Variants in CSGALNACT1 observed in about 807,000 individuals in gnomAD.
The protein encoded by CSGALNACT1 is beta4GalNAcT-1.
In CSGALNACT1, 52 loss-of-function variants were observed where a neutral mutation model predicts 51.0. That is an observed-to-expected ratio of 1.02 (90% CI 0.82 to 1.29). The LOEUF is 1.29. Ranked by LOEUF, CSGALNACT1 falls within the 50% of genes most tolerant of loss-of-function variation. The pLI is 0.00. For synonymous variants in CSGALNACT1, 341 were observed against 254.4 expected, an observed-to-expected ratio of 1.34 and a Z score of -3.24; for missense variants, 935 against 679.2, an observed-to-expected ratio of 1.38 and a Z score of -4.19.
intron 3 of CSGALNACT1, among the ~76,000 whole-genome samples, chr8:19,553,922 C>CACACACACAA (rs1241786386): frequency 1.3e-5 from 2 of 151,678 alleles, no homozygotes; most frequent in Non-Finnish European, 2.9e-5. Context: ...CACACACACA[C>CACACACACAA]ACACCCAGAA....
intron 1 of CSGALNACT1, among the ~76,000 whole-genome samples, chr8:19,670,464 A>T (rs1246522155): frequency 6.6e-6 from 1 of 152,126 alleles, no homozygotes; most frequent in Non-Finnish European, 1.5e-5. Context: ...ATGTCATTAA[A>T]TATATATGTA....
chr8:19,724,382 G>T (rs1380897571), intron 1 of CSGALNACT1, among the ~76,000 whole-genome samples: 1 of 152,154 alleles, frequency 6.6e-6, no homozygotes, highest in Non-Finnish European at 1.5e-5. Flanking sequence ...AGAGGCTGTG[G>T]TTGGTGGCTC....
chr8:19,450,284 GAGGAGGAGA>G (rs1234519885), intron 5 of CSGALNACT1, among the ~76,000 whole-genome samples: 2 of 145,306 alleles, frequency 1.4e-5, no homozygotes, highest in African/African-American at 5.1e-5. Context: ...GGAGGAGAGG[GAGGAGGAGA>G]AGGAGGAGGA....
chr8:19,676,943 T>G (rs1589449213), intron 1 of CSGALNACT1, among the ~76,000 whole-genome samples: 1 of 152,052 alleles, frequency 6.6e-6, no homozygotes, highest in African/African-American at 2.4e-5. Context: ...GATTTGACAA[T>G]GAAAGAGTTA....
chr8:19,547,150 T>C (rs564401785), intron 3 of CSGALNACT1, among the ~76,000 whole-genome samples: 2 of 152,192 alleles, frequency 1.3e-5, no homozygotes, highest in African/African-American at 2.4e-5. Flanking sequence ...AAGGGCTCCA[T>C]GATGCCACAG....
chr8:19,679,117 C>G (rs1034192484), intron 1 of CSGALNACT1, among the ~76,000 whole-genome samples: 3 of 152,162 alleles, frequency 2.0e-5, no homozygotes, highest in Non-Finnish European at 2.9e-5. Flanking sequence ...TGTACAGGAA[C>G]TCTTCTTAAA....
At position 19,510,697 on chromosome 8, in the gene CSGALNACT1, G is replaced by A. The variant is rs531776889; in HGVS notation, c.-296-4567C>T. Among the ~76,000 whole-genome samples, 6 of 152,326 alleles carry A rather than the reference G, an allele frequency of 3.9e-5. No individual in the cohort carries two copies. In the East Asian group the frequency reaches 7.7e-4, roughly 20 times the overall value. ...GACCAAACGTATGGGTGAGGAGTGG[G>A]AGATGGGAGGATCTGAAAAGTACAA... is the stretch of plus-strand genomic sequence containing the variant. On this transcript the variant is annotated intron_variant, in intron 3 of 9. Coordinates refer to ENST00000454498, the Ensembl canonical transcript of CSGALNACT1.
At chr8:19,494,286 C>G (rs935345536) in intron 4 of CSGALNACT1, among the ~76,000 whole-genome samples, 1 of 152,068 alleles carries the variant, frequency 6.6e-6, no homozygotes, top group African/African-American at 2.4e-5. Context: ...ACTCCTGCTC[C>G]CAAAACACTC....
intron 1 of CSGALNACT1, among the ~76,000 whole-genome samples, chr8:19,699,779 T>G (rs1344957310): frequency 6.6e-6 from 1 of 152,208 alleles, no homozygotes; most frequent in Non-Finnish European, 1.5e-5. Flanking sequence ...CTGTTAACAC[T>G]GTAAATTTTA....
At chr8:19,482,322 G>C (rs556513440) in intron 4 of CSGALNACT1, among the ~76,000 whole-genome samples, 71 of 152,192 alleles carry the variant, frequency 4.7e-4, no homozygotes, top group Non-Finnish European at 9.6e-4. Flanking sequence ...AGCACATGCA[G>C]GGAGCAGCAC....
chr8:19,666,940 AGAAAAAGAAAGAAAGAAAGAAAG>A (rs2059314639), intron 1 of CSGALNACT1, among the ~76,000 whole-genome samples: 2 of 127,414 alleles, frequency 1.6e-5, no homozygotes, highest in African/African-American at 6.1e-5. Context: ...AGAGAGAGAG[AGAAAAAGAAAGAAAGAAAGAAAG>A]AAAGAAAGAA....
chr8:19,739,164 C>G (rs1354512257), intron 1 of CSGALNACT1, among the ~76,000 whole-genome samples: 1 of 150,922 alleles, frequency 6.6e-6, no homozygotes, highest in Non-Finnish European at 1.5e-5. Context: ...TCGTGCTACT[C>G]AAGGAAAAAT....
At chr8:19,502,676 T>G (rs536428843) in intron 4 of CSGALNACT1, among the ~76,000 whole-genome samples, 1 of 152,258 alleles carries the variant, frequency 6.6e-6, no homozygotes, top group South Asian at 2.1e-4. Context: ...CACTCTAAGG[T>G]TAGGAACCCA....
At chr8:19,603,185 T>C (rs1295623468), upstream of CSGALNACT1, among the ~76,000 whole-genome samples, 2 of 150,542 alleles carry the variant, frequency 1.3e-5, no homozygotes, top group Non-Finnish European at 3.0e-5. Flanking sequence ...AAAGGAAAAT[T>C]GCTAAGTCTC....
chr8:19,461,305 G>C (rs2065298995), intron 4 of CSGALNACT1, among the ~76,000 whole-genome samples: 2 of 152,192 alleles, frequency 1.3e-5, no homozygotes, highest in Admixed American at 1.3e-4. Context: ...GAGGCAACAG[G>C]CTCTTTTCCC....
At chr8:19,614,842 G>T (rs1480621297) in intron 1 of CSGALNACT1, among the ~76,000 whole-genome samples, 1 of 152,192 alleles carries the variant, frequency 6.6e-6, no homozygotes, top group African/African-American at 2.4e-5. Flanking sequence ...GCCCTTGCTG[G>T]CCACTGGCTG....
exon 10 of CSGALNACT1, chr8:19,405,019 G>A (rs961893574): frequency 1.5e-5 from 7 of 453,210 alleles, no homozygotes; most frequent in Non-Finnish European, 2.6e-5. Context: ...GCTTTGAACT[G>A]AAAGTTCTCA....
intron 1 of CSGALNACT1, among the ~76,000 whole-genome samples, chr8:19,725,223 T>TTG (rs1374842182): frequency 6.6e-6 from 1 of 152,180 alleles, no homozygotes; most frequent in East Asian, 1.9e-4. Context: ...GGCGAGCGCT[T>TTG]TGCTAGTGCA....
chr8:19,586,569 A>AG (rs2046705025), intron 3 of CSGALNACT1, among the ~76,000 whole-genome samples: 1 of 151,910 alleles, frequency 6.6e-6, no homozygotes, highest in Admixed American at 6.6e-5. Flanking sequence ...GATGGGCTTG[A>AG]GCATCTGTAG....
Sources: allele counts gnomAD v4.1 joint callset (sites outside exome capture counted in the v4.1 genomes callset), GRCh38; gene constraint gnomAD v4.1.1; transcripts MANE v1.5; gene names NCBI Gene and HGNC (gene_info 2026-07-23, HGNC 2026-07-21).